Variants in TIMP2 observed in about 807,000 individuals in gnomAD.
The protein encoded by TIMP2 is TIMP metallopeptidase inhibitor 2.
Under a neutral mutation model 24.3 loss-of-function variants are expected in TIMP2, and 5 were observed. That is an observed-to-expected ratio of 0.21 (90% confidence interval 0.11 to 0.43). The LOEUF is 0.43. TIMP2 is among the 20% of genes least tolerant of loss of function. TIMP2 has a pLI of 1.00. For synonymous variants in TIMP2, 130 were observed against 123.2 expected (o/e 1.06, Z -0.37); for missense variants, 221 against 297.5 (o/e 0.74, Z 1.89).
intron 3 of TIMP2, among the ~76,000 whole-genome samples, chr17:78,865,399 C>T (rs11869472): frequency 0.026 from 3,895 of 151,920 alleles, 164 homozygotes; most frequent in African/African-American, 0.088. Context: ...CCGAGGTGGG[C>T]GGATCACCTG....
chr17:78,855,647 C>T lies in TIMP2; in HGVS notation c.*20G>A, dbSNP rs1324461652. ...TGGAGGCTTTTTTTGCAGTTGGCCACAGGGGCGTTGGAGGCCTGCTTATGG... is the reference window on the plus strand; with the variant it reads ...TGGAGGCTTTTTTTGCAGTTGGCCATAGGGGCGTTGGAGGCCTGCTTATGG... On this transcript the variant is annotated 3_prime_UTR_variant, in exon 5 of 5. Transcript: ENST00000262768. The surrounding 1 kb of genome is among the most constrained non-coding windows in gnomAD (Gnocchi z 6.0). 1 of 1,611,850 alleles carries T rather than the reference C, an allele frequency of 6.2e-7. No individual in the cohort carries two copies. The highest frequency in any genetic ancestry group is 1.3e-5 in the African/African-American group (1 of 75,026).
intron 1 of TIMP2, chr17:78,892,396 G>A: frequency 1.3e-6 from 2 of 1,550,604 alleles, no homozygotes; most frequent in East Asian, 2.4e-5. Flanking sequence ...AGCCAAGAGT[G>A]GAGGGTTCAA....
Position 78,865,750 on chromosome 17 carries a change from C to T in TIMP2, c.340+5148G>A, listed in dbSNP as rs558114709. 2.0e-5 allele frequency among the ~76,000 whole-genome samples: 3 copies of T among 152,278 alleles called. No individual in the cohort carries two copies. In the East Asian group the frequency reaches 5.8e-4, roughly 29 times the overall value. ...GAGATTGCAGTGACCCGAGATTGTG[C>T]CACTGCACTCCAGCCTGGGCAACAG... On this transcript the variant is annotated intron_variant, in intron 3 of 4. Transcript: ENST00000262768.
chr17:78,918,074 A>ACGCGCACACACACACT (rs1181112633), intron 1 of TIMP2, among the ~76,000 whole-genome samples: 4 of 79,818 alleles, frequency 5.0e-5, no homozygotes, highest in African/African-American at 1.5e-4. Flanking sequence ...AAACACACAC[A>ACGCGCACACACACACT]CACACACACA....
At chr17:78,868,017 C>A (rs2145751664) in intron 3 of TIMP2, among the ~76,000 whole-genome samples, 1 of 152,300 alleles carries the variant, frequency 6.6e-6, no homozygotes, top group South Asian at 2.1e-4. Context: ...TGACCAGAGC[C>A]AAGGATCTCA....
intron 1 of TIMP2, chr17:78,890,984 G>A (rs149512341): frequency 7.1e-6 from 11 of 1,551,154 alleles, no homozygotes; most frequent in African/African-American, 5.5e-5. Flanking sequence ...CTCCATCTCT[G>A]CTTTCTGCCT....
chr17:78,905,370 A>C (rs2070149355), intron 1 of TIMP2, among the ~76,000 whole-genome samples: 1 of 152,190 alleles, frequency 6.6e-6, no homozygotes, highest in South Asian at 2.1e-4. Flanking sequence ...TTCCCACATA[A>C]ATCCCATCTT....
intron 1 of TIMP2, chr17:78,903,364 G>C (rs1183769696): frequency 6.6e-6 from 1 of 152,340 alleles, no homozygotes; most frequent in African/African-American, 2.4e-5. Context: ...GGCACCTGAA[G>C]GCACTGTTTA....
At chr17:78,894,452 C>G (rs1238958240) in intron 1 of TIMP2, among the ~76,000 whole-genome samples, 1 of 152,052 alleles carries the variant, frequency 6.6e-6, no homozygotes, top group Non-Finnish European at 1.5e-5. Flanking sequence ...CTGCCAACCA[C>G]CATGATGATC....
At position 78,854,921 on chromosome 17, in the gene TIMP2, C is replaced by CGGGGGGGGGGGTGGGG. The variant is rs2069511586; in HGVS notation, c.*745_*746insCCCCACCCCCCCCCCC. On this transcript the variant is annotated 3_prime_UTR_variant, in exon 5 of 5. Coordinates refer to ENST00000262768, the MANE Select transcript of TIMP2 (RefSeq NM_003255.5). ...TCCTGCAAGCTGGGGAGCATGTGGGCGGGGGGGGGGGGGTGGGGGGGTGGG... is the reference window on the plus strand; with the variant it reads ...TCCTGCAAGCTGGGGAGCATGTGGGCGGGGGGGGGGGTGGGGGGGGGGGGGGGGGTGGGGGGGTGGG... 5.1e-5 allele frequency: 2 copies of CGGGGGGGGGGGTGGGG among 39,090 alleles called. No homozygotes were observed. The highest frequency in any genetic ancestry group is 1.0e-4 in the Non-Finnish European group (2 of 19,168). 2.4% of individuals were successfully genotyped at this position (39,090 alleles called of 1,614,324 possible). A position where few individuals can be genotyped will look rare whatever the true frequency, so the allele number is the denominator to read the frequency against.
chr17:78,870,568 C>T (rs919175413), intron 3 of TIMP2, among the ~76,000 whole-genome samples: 17 of 152,234 alleles, frequency 1.1e-4, no homozygotes, highest in South Asian at 4.1e-4. Context: ...AGATGTTACG[C>T]GAGCTTTTGG....
At position 78,886,496 on chromosome 17, in the gene TIMP2, G is replaced by A. The variant is rs567002165; in HGVS notation, c.131-12577C>T. On this transcript the variant is annotated intron_variant, in intron 1 of 4. Coordinates refer to ENST00000262768, the MANE Select transcript of TIMP2 (RefSeq NM_003255.5). ...ACAGGCGGCTACGCTCCAGGTCTCCGTGTGCAAAAAATAGCTGGGCACAAG... is the reference window on the plus strand; with the variant it reads ...ACAGGCGGCTACGCTCCAGGTCTCCATGTGCAAAAAATAGCTGGGCACAAG... Among the ~76,000 whole-genome samples the A allele has an allele frequency of 5.3e-5, 8 of 152,226 alleles. No individual in the cohort carries two copies. The South Asian group carries it at 1.0e-3, about 20-fold the overall frequency.
In TIMP2 at chr17:78,855,100, C is replaced by A; in HGVS notation, c.*567G>T. On this transcript the variant is annotated 3_prime_UTR_variant, in exon 5 of 5. Coordinates refer to ENST00000262768, the MANE Select transcript of TIMP2 (RefSeq NM_003255.5). This position sits in a 1 kb window ranked among gnomAD's most constrained non-coding sequence, Gnocchi z 6.0. ...TCAAGAACTAGCCACTGGTTCCAGG[C>A]TGCCCTTGGATGTGGGGGGAGTCAG... The A allele has an allele frequency of 6.3e-6, 1 of 158,192 alleles. No homozygotes were observed. The highest frequency in any genetic ancestry group is 1.8e-4 in the East Asian group (1 of 5,412). The allele number at this position is 158,192 out of a possible 1,614,324, so 9.8% of individuals were successfully genotyped here.
At chr17:78,882,661 C>T (rs1368188517) in intron 1 of TIMP2, among the ~76,000 whole-genome samples, 4 of 152,232 alleles carry the variant, frequency 2.6e-5, no homozygotes, top group African/African-American at 9.6e-5. Flanking sequence ...TGGCCACAAA[C>T]GCCACCAGGG....
chr17:78,918,819 C>T (rs755141464), intron 1 of TIMP2, among the ~76,000 whole-genome samples: 18 of 151,920 alleles, frequency 1.2e-4, no homozygotes, highest in Non-Finnish European at 2.4e-4. Flanking sequence ...GGCAACATGG[C>T]GAAACCCCAT....
rs970997111 is a variant in TIMP2 at position 78,924,513 on chromosome 17, C to T, written c.130+446G>A. ...GTGGGAGAAGCCCCAGCAGAGAAGC[C>T]CTTCCCCACCCAGCCCCAAGCCCAG... On this transcript the variant is annotated intron_variant, in intron 1 of 4. Coordinates refer to ENST00000262768, the MANE Select transcript of TIMP2 (RefSeq NM_003255.5). The surrounding 1 kb of genome is among the most constrained non-coding windows in gnomAD (Gnocchi z 5.3). 1.1e-4 allele frequency among the ~76,000 whole-genome samples: 16 copies of T among 152,318 alleles called. No homozygotes were observed. In the East Asian group the frequency reaches 3.1e-3, roughly 30 times the overall value.
chr17:78,862,489 G>A (rs1163305848), intron 3 of TIMP2, among the ~76,000 whole-genome samples: 2 of 152,232 alleles, frequency 1.3e-5, no homozygotes, highest in African/African-American at 4.8e-5. Context: ...GGGAGAGGAG[G>A]ATGAAGTAAT....
rs757541371 is a variant in TIMP2, at chr17:78,855,593, G to C, written c.*74C>G. 1 of 1,506,708 alleles carries C rather than the reference G, an allele frequency of 6.6e-7. No individual in the cohort carries two copies. Among genetic ancestry groups the C allele is most frequent in the Non-Finnish European group, 9.1e-7 (1 of 1,102,506 alleles). 93.3% of individuals were successfully genotyped at this position (1,506,708 alleles called of 1,614,324 possible). A position where few individuals can be genotyped will look rare whatever the true frequency, so the allele number is the denominator to read the frequency against. On this transcript the variant is annotated 3_prime_UTR_variant, in exon 5 of 5. Transcript: ENST00000262768. This position sits in a 1 kb window ranked among gnomAD's most constrained non-coding sequence, Gnocchi z 6.0. ...TTTATTCATGCTGTTTCCAGGAAGG[G>C]ATGTCAGAGCTGGACCAGTCGAAAC...
chr17:78,916,964 C>G (rs73999317), intron 1 of TIMP2, among the ~76,000 whole-genome samples: 2,765 of 152,340 alleles, frequency 0.018, 71 homozygotes, highest in African/African-American at 0.064. Flanking sequence ...CGGTAAGAGT[C>G]TCTAGCAAGA....
Sources: allele counts gnomAD v4.1 joint callset (sites outside exome capture counted in the v4.1 genomes callset), GRCh38; gene constraint gnomAD v4.1.1; non-coding constraint Gnocchi (gnomAD v3.1); transcripts MANE v1.5; gene names NCBI Gene and HGNC (gene_info 2026-07-23, HGNC 2026-07-21).